The following BIRC6 variants were observed in gnomAD, a reference collection of about 807,000 sequenced individuals.
BIRC6 encodes the protein dual E2 ubiquitin-conjugating enzyme/E3 ubiquitin-protein ligase BIRC6.
BIRC6 carries 98 observed loss-of-function variants against 503.3 expected under a neutral mutation model. The observed-to-expected ratio is 0.19, with a 90% CI of 0.17 to 0.23. BIRC6 has a LOEUF of 0.23. Ranked by LOEUF, BIRC6 falls within the 10% of genes least tolerant of loss-of-function variation. The pLI is 1.00. For missense variants in BIRC6, 5,360 were observed against 5,806.0 expected, an observed-to-expected ratio of 0.92 and a Z score of 2.50; for synonymous variants, 2,240 against 2,078.7, an observed-to-expected ratio of 1.08 and a Z score of -2.11.
At chr2:32,605,093 G>A (rs1197436900) in intron 71 of BIRC6, among the ~76,000 whole-genome samples, 2 of 151,978 alleles carry the variant, frequency 1.3e-5, no homozygotes, top group Admixed American at 6.6e-5. Flanking sequence ...ATGTTGACCA[G>A]GATGGCCTCG....
chr2:32,607,097 A>T (rs2062517529), intron 71 of BIRC6, among the ~76,000 whole-genome samples: 1 of 151,954 alleles, frequency 6.6e-6, no homozygotes, highest in Non-Finnish European at 1.5e-5. Context: ...GTTTAAACTC[A>T]TAAAACAACT....
intron 42 of BIRC6, 131 bp downstream of exon 42, chr2:32,488,845 T>C (rs2051322158): frequency 1.6e-6 from 1 of 629,918 alleles, no homozygotes; most frequent in African/African-American, 1.9e-5. Flanking sequence ...AGAATACCTT[T>C]TTAAAAAGAT....
At chr2:32,527,953 A>G (rs1253001380) in intron 59 of BIRC6, 1 of 152,210 alleles carries the variant, frequency 6.6e-6, no homozygotes, top group African/African-American at 2.4e-5. Flanking sequence ...GCGTGCATTA[A>G]CAACAGAATG....
chr2:32,506,981 A>G (rs1035807160), intron 50 of BIRC6, among the ~76,000 whole-genome samples: 6 of 152,316 alleles, frequency 3.9e-5, no homozygotes, highest in Admixed American at 2.0e-4. Flanking sequence ...GAAATTAAAA[A>G]TAAAACCAAA....
Position 32,436,044 on chromosome 2 carries a change from TC to T in BIRC6, c.3500-8del, listed in dbSNP as rs1444735997. 8.8e-6 allele frequency: 12 copies of T among 1,363,192 alleles called. No homozygotes were observed. Among genetic ancestry groups the T allele is most frequent in the African/African-American group, 1.5e-5 (1 of 67,856 alleles). 84.4% of individuals were successfully genotyped at this position (1,363,192 alleles called of 1,614,324 possible). On this transcript the variant is annotated splice_polypyrimidine_tract_variant and splice_region_variant and intron_variant, in intron 14 of 73. Coordinates refer to ENST00000421745, the MANE Select transcript of BIRC6 (RefSeq NM_016252.4). Reference sequence around the variant, plus strand: ...AATTTAAAAGAAAAATATGTATTTTTCTTTTTAGGTCTTAGATTATGTCCAT... The same window carrying T: ...AATTTAAAAGAAAAATATGTATTTTTTTTTTAGGTCTTAGATTATGTCCAT...
chr2:32,520,712 G>A (rs1374070109), intron 57 of BIRC6, among the ~76,000 whole-genome samples: 1 of 152,158 alleles, frequency 6.6e-6, no homozygotes, highest in Non-Finnish European at 1.5e-5. Context: ...ACCTATCTGG[G>A]GGACTGAGGT....
chr2:32,486,214 A>G (rs2050976194), intron 40 of BIRC6, among the ~76,000 whole-genome samples: 1 of 152,276 alleles, frequency 6.6e-6, no homozygotes, highest in South Asian at 2.1e-4. Flanking sequence ...AATTGAGAGG[A>G]TTTACTACCT....
chr2:32,384,549 CA>C, intron 3 of BIRC6, among the ~76,000 whole-genome samples: 2 of 152,160 alleles, frequency 1.3e-5, no homozygotes, highest in Non-Finnish European at 2.9e-5. Context: ...ATGTTGAAGA[CA>C]AATTGCTGCC....
At chr2:32,433,855 T>G in intron 13 of BIRC6, 51 bp downstream of exon 13, 1 of 1,387,324 alleles carries the variant, frequency 7.2e-7, no homozygotes, top group Non-Finnish European at 9.7e-7. Context: ...GTGGTTGATT[T>G]CTGAAAACTA....
intron 62 of BIRC6, 132 bp downstream of exon 62, chr2:32,543,673 A>C: frequency 7.4e-6 from 6 of 813,258 alleles, no homozygotes; most frequent in Non-Finnish European, 1.1e-5. Flanking sequence ...GTGGTAGCTC[A>C]CTTCCAGTAT....
chr2:32,617,941 C>A lies in BIRC6; in HGVS notation c.*37C>A. The A allele has an allele frequency of 6.4e-7, 1 of 1,568,800 alleles. No homozygotes were observed. The highest frequency in any genetic ancestry group is 8.7e-7 in the Non-Finnish European group (1 of 1,152,316). The stretch of plus-strand genomic sequence containing the variant: ...GTGGACTTCATAGACACAAAGGCTT[C>A]GAAGCACAAGCCAAATATGTCAATA... On this transcript the variant is annotated 3_prime_UTR_variant, in exon 74 of 74. Transcript: ENST00000421745.
At chr2:32,451,321 A>T (rs533721494) in intron 22 of BIRC6, among the ~76,000 whole-genome samples, 14 of 152,066 alleles carry the variant, frequency 9.2e-5, no homozygotes, top group Non-Finnish European at 1.9e-4. Context: ...TGGCCCTGTG[A>T]TTCTCAAAGT....
chr2:32,598,136 C>A (rs549747970), intron 69 of BIRC6, among the ~76,000 whole-genome samples, 168 bp downstream of exon 69: 7 of 151,076 alleles, frequency 4.6e-5, no homozygotes, highest in East Asian at 1.9e-4. Flanking sequence ...ACCCCTCCCC[C>A]CCTTTTTTTT....
chr2:32,575,706 A>G (rs551055537), intron 66 of BIRC6, among the ~76,000 whole-genome samples: 16 of 152,120 alleles, frequency 1.1e-4, no homozygotes, highest in Non-Finnish European at 1.5e-4. Context: ...CAGAGGTTGC[A>G]GTGAGCCGAG....
At chr2:32,386,444 C>CT (rs1459083369) in intron 3 of BIRC6, among the ~76,000 whole-genome samples, 161 of 145,984 alleles carry the variant, frequency 1.1e-3, no homozygotes, top group Non-Finnish European at 1.7e-3. Context: ...GTCTCTCTCT[C>CT]TTTTTTTTTT....
At chr2:32,530,526 T>C (rs896736041) in intron 60 of BIRC6, among the ~76,000 whole-genome samples, 3 of 152,206 alleles carry the variant, frequency 2.0e-5, no homozygotes, top group Admixed American at 2.0e-4. Context: ...TTCCATTAAA[T>C]ATTTTTGAAT....
intron 4 of BIRC6, among the ~76,000 whole-genome samples, chr2:32,390,609 C>G (rs1236165402): frequency 1.3e-5 from 2 of 152,300 alleles, no homozygotes; most frequent in African/African-American, 4.8e-5. Flanking sequence ...AGCCACTGTG[C>G]CCAGCTGTAG....
intron 66 of BIRC6, among the ~76,000 whole-genome samples, chr2:32,578,803 AATACATACATAC>A (rs200578652): frequency 2.1e-5 from 3 of 140,670 alleles, no homozygotes; most frequent in East Asian, 2.0e-4. Context: ...TGTCTCAAAA[AATACATACATAC>A]ATACATACAT....
chr2:32,513,004 A>G lies in BIRC6; in HGVS notation c.10418A>G (p.Asn3473Ser). The G allele has an allele frequency of 1.2e-6, 2 of 1,613,938 alleles. No homozygotes were observed. The highest frequency in any genetic ancestry group is 8.5e-7 in the Non-Finnish European group (1 of 1,179,864). ...GCTATGAAGAGAAGTGGCAGGATGA[A>G]CTACATGTGTCCTAACTCCTCAACA... The part of the protein sequence containing the change: ...VAAMKRSGRM[N>S]YMCPNSSTVE... The change falls in exon 54 of 74, where the codon AAC becomes AGC. Residue 3473 changes from asparagine to serine, a missense_variant. Physicochemically the swap from Asn to Ser is conservative, Grantham distance 46. This residue lies in a region of BIRC6 where 878 missense variants were observed against 928.9 expected (regional missense o/e 0.95). Transcript: ENST00000421745.
Sources: gnomAD v4.1 joint callset for allele counts (sites outside exome capture counted in the v4.1 genomes callset) on GRCh38, gnomAD v4.1.1 for gene constraint, gnomAD v4.1.1 regional missense constraint, MANE v1.5 for transcripts, NCBI Gene and HGNC (gene_info 2026-07-23, HGNC 2026-07-21) for gene names.